Variants in VSIR observed in about 807,000 individuals in gnomAD.
VSIR encodes the protein V-type immunoglobulin domain-containing suppressor of T-cell activation.
A neutral mutation model predicts 31.0 loss-of-function variants in VSIR; 10 were observed. The observed-to-expected ratio is 0.32, with a 90% CI of 0.20 to 0.55. The LOEUF (loss-of-function observed/expected upper bound fraction) is 0.55, where lower values mean the gene tolerates loss of function less well. Ranked by LOEUF, VSIR falls within the 20% of genes least tolerant of loss-of-function variation. The pLI is 0.93. For missense variants in VSIR, 356 were observed against 416.2 expected (o/e 0.86, Z 1.26); for synonymous variants, 179 against 180.1 (o/e 0.99, Z 0.05).
In VSIR at chr10:71,748,504, T is replaced by C. The variant is rs1281539040; in HGVS notation, c.*2749A>G. The C allele has an allele frequency of 6.6e-6, 1 of 152,266 alleles. No individual in the cohort carries two copies. The highest frequency in any genetic ancestry group is 1.5e-5 in the Non-Finnish European group (1 of 68,060). 9.4% of individuals were successfully genotyped at this position (152,266 alleles called of 1,614,324 possible). ...CAATTCCATTCCTTCAGCCTCTCCC[T>C]GGGAGGGAATAAAGGCAGGAAGTCT... On this transcript the variant is annotated 3_prime_UTR_variant, in exon 7 of 7. Transcript: ENST00000394957.
intron 3 of VSIR, 147 bp from the exon 4 acceptor site, chr10:71,755,613 G>T: frequency 1.4e-6 from 1 of 734,406 alleles, no homozygotes; most frequent in Non-Finnish European, 2.3e-6. Context: ...AACCTACAGA[G>T]GCATGGAAGA....
chr10:71,752,012 G>T, intron 5 of VSIR, 151 bp from the exon 6 acceptor site: 2 of 892,104 alleles, frequency 2.2e-6, no homozygotes, highest in Non-Finnish European at 3.6e-6. Context: ...GCAGGAGCCA[G>T]GCCCACAGAG....
chr10:71,755,262 G>T, intron 4 of VSIR, 97 bp downstream of exon 4: 2 of 1,068,670 alleles, frequency 1.9e-6, no homozygotes, highest in Non-Finnish European at 2.7e-6. Context: ...AAGGAATTGT[G>T]CCTGCATCGT....
chr10:71,757,978 T>G (rs777031843), intron 3 of VSIR, among the ~76,000 whole-genome samples: 1 of 152,162 alleles, frequency 6.6e-6, no homozygotes, highest in Non-Finnish European at 1.5e-5. Flanking sequence ...TCAGGTTAAC[T>G]TGTACTTTCA....
intron 3 of VSIR, among the ~76,000 whole-genome samples, chr10:71,759,175 C>A (rs1011669783): frequency 6.6e-6 from 1 of 151,730 alleles, no homozygotes; most frequent in Non-Finnish European, 1.5e-5. Flanking sequence ...GTAGCTGGGA[C>A]TACAGGCGTG....
intron 4 of VSIR, chr10:71,753,943 G>C (rs1277725936): frequency 4.4e-6 from 2 of 450,644 alleles, no homozygotes; most frequent in East Asian, 1.4e-4. Flanking sequence ...TTGGGGTGAG[G>C]GTTGTTGGTC....
chr10:71,760,020 C>T (rs868782538), intron 3 of VSIR, among the ~76,000 whole-genome samples: 1 of 91,292 alleles, frequency 1.1e-5, no homozygotes, highest in African/African-American at 3.7e-5. Context: ...TACACACACA[C>T]ATATATACAC....
chr10:71,754,533 G>C (rs1840084884), intron 4 of VSIR, among the ~76,000 whole-genome samples: 1 of 152,138 alleles, frequency 6.6e-6, no homozygotes. Context: ...GACTAACCAA[G>C]ACTCAAGGGC....
chr10:71,759,106 C>T (rs1840225327), intron 3 of VSIR, among the ~76,000 whole-genome samples: 1 of 151,920 alleles, frequency 6.6e-6, no homozygotes, highest in African/African-American at 2.4e-5. Context: ...GGCGCGATCT[C>T]GGCTCACTGT....
chr10:71,773,454 C>T lies in VSIR; in HGVS notation c.-15G>A. 1.3e-6 allele frequency: 2 copies of T among 1,581,810 alleles called. No homozygotes were observed. Among genetic ancestry groups the T allele is most frequent in the Non-Finnish European group, 1.7e-6 (2 of 1,164,026 alleles). ...GGGACGCCCATGTCGCCGTCGGACGCGCAGAGGAACTTCTGGTGCCGGGGA... is the reference window on the plus strand; with the variant it reads ...GGGACGCCCATGTCGCCGTCGGACGTGCAGAGGAACTTCTGGTGCCGGGGA... On this transcript the variant is annotated 5_prime_UTR_variant, in exon 1 of 7. Transcript: ENST00000394957.
chr10:71,762,111 T>A, intron 1 of VSIR, 85 bp from the exon 2 acceptor site: 1 of 1,423,752 alleles, frequency 7.0e-7, no homozygotes. Context: ...CCTTAGCCTC[T>A]GCTACTTCCC....
intron 1 of VSIR, among the ~76,000 whole-genome samples, chr10:71,768,068 T>C (rs1180478443): frequency 6.6e-6 from 1 of 152,248 alleles, no homozygotes; most frequent in Admixed American, 6.5e-5. Flanking sequence ...TTCTATGCTG[T>C]GAAGACGTCC....
At chr10:71,767,552 G>C (rs975303720) in intron 1 of VSIR, among the ~76,000 whole-genome samples, 23 of 152,214 alleles carry the variant, frequency 1.5e-4, no homozygotes, top group African/African-American at 5.3e-4. Context: ...CATCCCCCAG[G>C]ATGGTCCACA....
chr10:71,760,783 G>C, intron 3 of VSIR, 85 bp downstream of exon 3: 1 of 1,328,348 alleles, frequency 7.5e-7, no homozygotes, highest in Non-Finnish European at 1.1e-6. Context: ...GGGTGATGAG[G>C]CCAGAGTTCC....
In VSIR at chr10:71,751,416, C is replaced by T; in HGVS notation, c.899-126G>A. 1 of 469,450 alleles carries T rather than the reference C, an allele frequency of 2.1e-6. No individual in the cohort carries two copies. Among genetic ancestry groups the T allele is most frequent in the Non-Finnish European group, 3.8e-6 (1 of 264,072 alleles). The allele number at this position is 469,450 out of a possible 1,614,324, so 29.1% of individuals were successfully genotyped here. On this transcript the variant is annotated intron_variant, in intron 6 of 6. Transcript: ENST00000394957. This position sits in a 1 kb window ranked among gnomAD's most constrained non-coding sequence, Gnocchi z 4.9. Reference sequence around the variant, plus strand: ...CCCCTCTGTCCCTCACCCTCAACCCCACCCCGTGAGGCCGTGGAACTCTTC... The same window carrying T: ...CCCCTCTGTCCCTCACCCTCAACCCTACCCCGTGAGGCCGTGGAACTCTTC...
At chr10:71,766,144 C>A (rs12777729) in intron 1 of VSIR, among the ~76,000 whole-genome samples, 3 of 152,236 alleles carry the variant, frequency 2.0e-5, no homozygotes, top group Non-Finnish European at 2.9e-5. Flanking sequence ...AATTACAATT[C>A]TTTGGCGAGA....
intron 4 of VSIR, among the ~76,000 whole-genome samples, chr10:71,753,429 G>A (rs1401900013): frequency 6.6e-6 from 1 of 152,210 alleles, no homozygotes; most frequent in African/African-American, 2.4e-5. Flanking sequence ...CTTTAGCCAT[G>A]ACTTACTGGG....
intron 4 of VSIR, 141 bp downstream of exon 4, chr10:71,755,218 C>T (rs189359151): frequency 3.1e-4 from 260 of 834,412 alleles, no homozygotes; most frequent in East Asian, 2.4e-3. Context: ...CAGCTCCTGG[C>T]GGGAAGTGCA....
Position 71,755,393 on chromosome 10 carries a change from C to A in VSIR, c.642G>T (p.Leu214=). 1 of 1,613,294 alleles carries A rather than the reference C, an allele frequency of 6.2e-7. No homozygotes were observed. Among genetic ancestry groups the A allele is most frequent in the African/African-American group, 1.3e-5 (1 of 75,004 alleles). Reference sequence around the variant, plus strand: ...AGGCTGCCTGCCTTTGCTTGTAGACCAGGAGCAGGATGAGGGGGAGGCAGA... The same window carrying A: ...AGGCTGCCTGCCTTTGCTTGTAGACAAGGAGCAGGATGAGGGGGAGGCAGA... ...GILCLPLILL[L]VYKQRQAASN... The change falls in exon 4 of 7, where the codon CTG becomes CTT. Residue 214 remains leucine (L), a synonymous_variant. Transcript: ENST00000394957.
Sources: allele counts gnomAD v4.1 joint callset (sites outside exome capture counted in the v4.1 genomes callset), GRCh38; gene constraint gnomAD v4.1.1; non-coding constraint Gnocchi (gnomAD v3.1); transcripts MANE v1.5; gene names NCBI Gene and HGNC (gene_info 2026-07-23, HGNC 2026-07-21).